Variants in EFTUD2 observed in about 807,000 individuals in gnomAD.
EFTUD2 encodes the protein elongation factor Tu GTP binding domain containing 2, also known as 116 kDa U5 small nuclear ribonucleoprotein component.
EFTUD2 carries 9 observed loss-of-function variants against 114.3 expected under a neutral mutation model. The observed-to-expected ratio is 0.08, with a 90% CI of 0.05 to 0.14. The LOEUF (loss-of-function observed/expected upper bound fraction) is 0.14, where lower values mean the gene tolerates loss of function less well. Ranked by LOEUF, EFTUD2 falls within the 10% of genes least tolerant of loss-of-function variation. The pLI is 1.00. For synonymous variants in EFTUD2, 449 were observed against 462.3 expected, an observed-to-expected ratio of 0.97 and a Z score of 0.37; for missense variants, 765 against 1,241.2, an observed-to-expected ratio of 0.62 and a Z score of 5.76.
At chr17:44,877,785 G>A (rs1044971133) in intron 9 of EFTUD2, among the ~76,000 whole-genome samples, 18 of 148,550 alleles carry the variant, frequency 1.2e-4, no homozygotes, top group Non-Finnish European at 1.6e-4. Context: ...CAGCCTGGGC[G>A]GAAGAGCAAG....
chr17:44,857,389 A>G, intron 19 of EFTUD2: 2 of 441,028 alleles, frequency 4.5e-6, no homozygotes, highest in South Asian at 4.3e-5. Context: ...AGCCAAGAGT[A>G]AGTGGGGTAT....
rs373993924 is a variant in EFTUD2 at position 44,879,728 on chromosome 17, C to T, written c.620-90G>A. The T allele has an allele frequency of 5.5e-4, 677 of 1,239,578 alleles. 1 individual carries two copies. The highest frequency in any genetic ancestry group is 5.2e-4 in the Non-Finnish European group (455 of 867,682). The allele number at this position is 1,239,578 out of a possible 1,614,324, so 76.8% of individuals were successfully genotyped here. A position where few individuals can be genotyped will look rare whatever the true frequency, so the allele number is the denominator to read the frequency against. On this transcript the variant is annotated intron_variant, in intron 8 of 27. Coordinates refer to ENST00000426333, the MANE Select transcript of EFTUD2 (RefSeq NM_004247.4). ...TGAACTGAGGGGGCACTTCAAAGCCCGTGAACCTCCGAATATCCCCTTTCC... is the reference window on the plus strand; with the variant it reads ...TGAACTGAGGGGGCACTTCAAAGCCTGTGAACCTCCGAATATCCCCTTTCC...
At chr17:44,868,942 C>G (rs772669616) in intron 11 of EFTUD2, among the ~76,000 whole-genome samples, 1 of 152,152 alleles carries the variant, frequency 6.6e-6, no homozygotes, top group Non-Finnish European at 1.5e-5. Flanking sequence ...CAGACTGTAC[C>G]AAACAACCAT....
intron 10 of EFTUD2, among the ~76,000 whole-genome samples, chr17:44,874,973 C>A (rs1053115803): frequency 6.6e-6 from 1 of 152,146 alleles, no homozygotes; most frequent in Admixed American, 6.5e-5. Context: ...GCTACTATTG[C>A]TGTTAGGCAA....
At chr17:44,852,283 C>A in intron 26 of EFTUD2, 126 bp downstream of exon 26, 2 of 1,224,334 alleles carry the variant, frequency 1.6e-6, no homozygotes, top group Non-Finnish European at 2.3e-6. Context: ...TATATGCTCC[C>A]CAGAGGAGGA....
intron 24 of EFTUD2, 36 bp from the exon 25 acceptor site, chr17:44,853,426 G>C: frequency 6.2e-7 from 1 of 1,612,910 alleles, no homozygotes; most frequent in Non-Finnish European, 8.5e-7. Context: ...CCTCAGCTTG[G>C]GGAAGGCTGG....
intron 9 of EFTUD2, among the ~76,000 whole-genome samples, chr17:44,878,294 C>T (rs896869782): frequency 3.3e-5 from 5 of 152,086 alleles, no homozygotes; most frequent in African/African-American, 1.2e-4. Flanking sequence ...AGCTTAATCA[C>T]GAGGAAGTAT....
At chr17:44,886,111 C>A (rs148491668) in intron 3 of EFTUD2, among the ~76,000 whole-genome samples, 3 of 152,234 alleles carry the variant, frequency 2.0e-5, no homozygotes, top group South Asian at 4.1e-4. Flanking sequence ...GTGGCAGACA[C>A]CTATAATCCC....
intron 10 of EFTUD2, among the ~76,000 whole-genome samples, chr17:44,875,238 T>TA (rs889811477): frequency 6.6e-6 from 1 of 151,344 alleles, no homozygotes; most frequent in Non-Finnish European, 1.5e-5. Context: ...AAATTAAAAT[T>TA]AAAAAAAATT....
In EFTUD2 at chr17:44,851,213, G is replaced by T; in HGVS notation, c.*61C>A. The T allele has an allele frequency of 1.4e-6, 2 of 1,382,500 alleles. No homozygotes were observed. The highest frequency in any genetic ancestry group is 1.0e-6 in the Non-Finnish European group (1 of 971,206). The allele number at this position is 1,382,500 out of a possible 1,614,324, so 85.6% of individuals were successfully genotyped here. On this transcript the variant is annotated 3_prime_UTR_variant, in exon 28 of 28. Coordinates refer to ENST00000426333, the MANE Select transcript of EFTUD2 (RefSeq NM_004247.4). Reference sequence around the variant, plus strand: ...GAAGGCCACGTCATATGAGGTCTCAGCTTCAAGTACAGGAGTTGCAGCCCA... The same window carrying T: ...GAAGGCCACGTCATATGAGGTCTCATCTTCAAGTACAGGAGTTGCAGCCCA...
intron 2 of EFTUD2, among the ~76,000 whole-genome samples, chr17:44,890,977 G>C (rs566042578): frequency 6.6e-6 from 1 of 151,822 alleles, no homozygotes; most frequent in South Asian, 2.1e-4. Flanking sequence ...ATTACGGCGA[G>C]GGAAGGCTGG....
chr17:44,877,728 C>A (rs1015783720), intron 9 of EFTUD2, among the ~76,000 whole-genome samples: 1 of 151,894 alleles, frequency 6.6e-6, no homozygotes, highest in Non-Finnish European at 1.5e-5. Context: ...ATCACTTGAA[C>A]CTGGGAGGCA....
intron 18 of EFTUD2, 38 bp downstream of exon 18, chr17:44,859,867 T>C (rs770852258): frequency 1.1e-5 from 17 of 1,613,026 alleles, no homozygotes; most frequent in East Asian, 2.2e-5. Context: ...CAGCTGGGGA[T>C]AGTGGGGCTT....
chr17:44,882,950 A>G (rs575180860), intron 6 of EFTUD2, 143 bp downstream of exon 6: 63 of 676,864 alleles, frequency 9.3e-5, no homozygotes, highest in Non-Finnish European at 1.4e-4. Flanking sequence ...CTTACAGCCT[A>G]TTAATAGAGA....
chr17:44,869,401 C>G (rs1476618181), intron 11 of EFTUD2, among the ~76,000 whole-genome samples: 2 of 152,168 alleles, frequency 1.3e-5, no homozygotes, highest in African/African-American at 2.4e-5. Context: ...CTGGCTCATG[C>G]AATCCCCCCA....
intron 9 of EFTUD2, among the ~76,000 whole-genome samples, chr17:44,876,537 T>A (rs1469224548): frequency 2.0e-5 from 3 of 152,122 alleles, no homozygotes; most frequent in South Asian, 2.1e-4. Context: ...AATGAGCACA[T>A]CCAAACCTTT....
intron 18 of EFTUD2, 80 bp from the exon 19 acceptor site, chr17:44,859,261 G>A: frequency 9.9e-7 from 1 of 1,006,878 alleles, no homozygotes; most frequent in South Asian, 1.3e-5. Flanking sequence ...GGCCAGAGCA[G>A]ACAAGAAGTT....
chr17:44,874,565 CAGT>C (rs2050912796), intron 10 of EFTUD2, among the ~76,000 whole-genome samples: 1 of 152,204 alleles, frequency 6.6e-6, no homozygotes, highest in African/African-American at 2.4e-5. Flanking sequence ...GGCATTCTTT[CAGT>C]AGGACGGCCT....
At position 44,867,931 on chromosome 17, in the gene EFTUD2, G is replaced by A. The variant is rs566124227; in HGVS notation, c.1059-34C>T. 2.4e-4 allele frequency: 373 copies of A among 1,531,590 alleles called. 4 individuals carry two copies. The South Asian group carries it at 3.6e-3, about 15-fold the overall frequency. The allele number at this position is 1,531,590 out of a possible 1,614,324, so 94.9% of individuals were successfully genotyped here. On this transcript the variant is annotated intron_variant, in intron 12 of 27. Coordinates refer to ENST00000426333, the MANE Select transcript of EFTUD2 (RefSeq NM_004247.4). ...AAAAATAAGTTCTGAGTGACCCAGG[G>A]GAAAAGGCACTATCACTGATCCCAA...
Sources: allele counts gnomAD v4.1 joint callset (sites outside exome capture counted in the v4.1 genomes callset), GRCh38; gene constraint gnomAD v4.1.1; transcripts MANE v1.5; gene names NCBI Gene and HGNC (gene_info 2026-07-23, HGNC 2026-07-21).